LRRC9: variants seen among roughly 807,000 people sequenced by gnomAD.
The protein encoded by LRRC9 is leucine rich repeat containing 9.
A neutral mutation model predicts 63.2 loss-of-function variants in LRRC9; 122 were observed. The observed-to-expected ratio is 1.93, with a 90% CI of 1.67 to 2.24. The LOEUF is 2.24. LRRC9 is among the 30% of genes most tolerant of loss of function. LRRC9 has a pLI of 0.00. For missense variants in LRRC9, 1,071 were observed against 627.7 expected (o/e 1.71, Z -7.55); for synonymous variants, 366 against 213.1 (o/e 1.72, Z -6.25).
rs1204976601 is a variant in LRRC9, at chr14:59,938,597, C to G, written c.726+25C>G. On this transcript the variant is annotated intron_variant, in intron 7 of 31. Transcript: ENST00000445360. The surrounding 1 kb of genome is among the most constrained non-coding windows in gnomAD (Gnocchi z 4.2). ...TGTAAGTACATCCCTAATCAGGCAT[C>G]TGTGATTTCAGTTTTATTAGTTAAC... 1 of 655,684 alleles carries G rather than the reference C, an allele frequency of 1.5e-6. No homozygotes were observed. The highest frequency in any genetic ancestry group is 2.7e-6 in the Non-Finnish European group (1 of 363,902). 40.6% of individuals were successfully genotyped at this position (655,684 alleles called of 1,614,324 possible). A position where few individuals can be genotyped will look rare whatever the true frequency, so the allele number is the denominator to read the frequency against.
chr14:59,985,039 C>G (rs757515687), intron 16 of LRRC9, 66 bp from the exon 17 acceptor site: 3 of 491,512 alleles, frequency 6.1e-6, no homozygotes, highest in Non-Finnish European at 1.1e-5. Flanking sequence ...TTTACATATC[C>G]ACACTTCAGT....
At chr14:60,024,500 TG>T (rs1287746351) in intron 27 of LRRC9, among the ~76,000 whole-genome samples, 2 of 152,042 alleles carry the variant, frequency 1.3e-5, no homozygotes, top group East Asian at 3.9e-4. Context: ...GTGGGACATG[TG>T]GGGAGACATC....
intron 19 of LRRC9, among the ~76,000 whole-genome samples, chr14:60,001,238 A>G (rs2140205943): frequency 6.6e-6 from 1 of 151,934 alleles, no homozygotes; most frequent in Admixed American, 6.6e-5. Context: ...ATTTTACTTT[A>G]CTTAGGTGCA....
intron 17 of LRRC9, among the ~76,000 whole-genome samples, chr14:59,988,199 C>T (rs935587814): frequency 6.6e-6 from 1 of 152,116 alleles, no homozygotes; most frequent in Non-Finnish European, 1.5e-5. Context: ...CAGTATCAGC[C>T]ATGTCTTCAA....
At chr14:60,033,469 T>C (rs186678382) in intron 29 of LRRC9, among the ~76,000 whole-genome samples, 2 of 152,236 alleles carry the variant, frequency 1.3e-5, no homozygotes, top group Admixed American at 1.3e-4. Context: ...GGGAAATTCC[T>C]TTCTAGTTCC....
At chr14:59,997,479 C>T (rs943719678) in intron 17 of LRRC9, among the ~76,000 whole-genome samples, 177 bp from the exon 18 acceptor site, 3 of 152,040 alleles carry the variant, frequency 2.0e-5, no homozygotes, top group African/African-American at 7.2e-5. Flanking sequence ...AACATAATAC[C>T]TGTAGCTCTT....
intron 12 of LRRC9, among the ~76,000 whole-genome samples, chr14:59,969,757 C>T (rs1174254282): frequency 6.6e-6 from 1 of 152,134 alleles, no homozygotes. Flanking sequence ...TAAATCTGCT[C>T]ACATAGCTTG....
At chr14:60,061,206 G>A (rs1482287991) in intron 31 of LRRC9, among the ~76,000 whole-genome samples, 6 of 152,168 alleles carry the variant, frequency 3.9e-5, no homozygotes, top group African/African-American at 1.4e-4. Flanking sequence ...AACTACTGTG[G>A]GGAAAGTGCT....
chr14:59,947,206 G>C (rs1447784095), intron 8 of LRRC9, among the ~76,000 whole-genome samples: 3 of 151,190 alleles, frequency 2.0e-5, no homozygotes, highest in Admixed American at 2.0e-4. Flanking sequence ...ATTCTAACTG[G>C]TGTGAGATGA....
chr14:60,066,257 T>C (rs1894881894), downstream of LRRC9, among the ~76,000 whole-genome samples: 1 of 151,980 alleles, frequency 6.6e-6, no homozygotes. Flanking sequence ...AGTTTACAAA[T>C]AACCCTTATA....
At chr14:60,036,710 TAA>T (rs1041759740) in intron 29 of LRRC9, among the ~76,000 whole-genome samples, 1 of 118,162 alleles carries the variant, frequency 8.5e-6, no homozygotes, top group African/African-American at 3.3e-5. Context: ...TTTTCTGTTG[TAA>T]AGTTACTCTT....
chr14:59,953,467 G>A (rs1322755507), intron 8 of LRRC9, among the ~76,000 whole-genome samples: 1 of 152,134 alleles, frequency 6.6e-6, no homozygotes, highest in African/African-American at 2.4e-5. Flanking sequence ...CTTTTGAGAA[G>A]TGTCTGTTCG....
At chr14:59,991,226 T>A (rs1888054753) in intron 17 of LRRC9, among the ~76,000 whole-genome samples, 2 of 152,244 alleles carry the variant, frequency 1.3e-5, no homozygotes, top group Admixed American at 1.3e-4. Context: ...TTACTGTCAT[T>A]TTCCTTAAGT....
At chr14:59,988,333 AAT>A (rs1437189339) in intron 17 of LRRC9, among the ~76,000 whole-genome samples, 1 of 152,142 alleles carries the variant, frequency 6.6e-6, no homozygotes, top group Non-Finnish European at 1.5e-5. Flanking sequence ...AAGGGATATG[AAT>A]ATATGTGTGC....
chr14:59,921,772 A>G (rs1888801119), intron 1 of LRRC9, among the ~76,000 whole-genome samples: 1 of 144,180 alleles, frequency 6.9e-6, no homozygotes, highest in South Asian at 2.2e-4. Context: ...TTTCACCATG[A>G]AGAAAACAAT....
At position 59,990,553 on chromosome 14, in the gene LRRC9, A is replaced by G. The variant is rs1047778847; in HGVS notation, c.2211+5329A>G. Among the ~76,000 whole-genome samples, 1 of 151,760 alleles carries G rather than the reference A, an allele frequency of 6.6e-6. No individual in the cohort carries two copies. Among genetic ancestry groups the G allele is most frequent in the Non-Finnish European group, 1.5e-5 (1 of 67,944 alleles). The stretch of plus-strand genomic sequence containing the variant: ...CCTGGGTAGCTGGAACTACAGGTGC[A>G]TGCCACCACACCCTGCTAATTAAAA... On this transcript the variant is annotated intron_variant, in intron 17 of 31. Coordinates refer to ENST00000445360, the Ensembl canonical transcript of LRRC9. The surrounding 1 kb of genome is among the most constrained non-coding windows in gnomAD (Gnocchi z 4.2).
At chr14:59,948,317 G>T (rs1318443658) in intron 8 of LRRC9, among the ~76,000 whole-genome samples, 1 of 141,696 alleles carries the variant, frequency 7.1e-6, no homozygotes, top group Non-Finnish European at 1.5e-5. Flanking sequence ...TTTGTCTGTT[G>T]TTGGTGTATA....
At chr14:59,972,098 T>C (rs1381573224) in intron 12 of LRRC9, among the ~76,000 whole-genome samples, 4 of 152,102 alleles carry the variant, frequency 2.6e-5, no homozygotes, top group Non-Finnish European at 4.4e-5. Flanking sequence ...CAAGTGACCC[T>C]AATGAAGTAT....
intron 8 of LRRC9, among the ~76,000 whole-genome samples, chr14:59,955,067 G>A (rs1883587266): frequency 6.6e-6 from 1 of 152,126 alleles, no homozygotes; most frequent in African/African-American, 2.4e-5. Flanking sequence ...GAGGATTTTT[G>A]CATCAATGTT....
Sources: allele counts gnomAD v4.1 joint callset (sites outside exome capture counted in the v4.1 genomes callset), GRCh38; gene constraint gnomAD v4.1.1; non-coding constraint Gnocchi (gnomAD v3.1); transcripts MANE v1.5; gene names NCBI Gene and HGNC (gene_info 2026-07-23, HGNC 2026-07-21).